PKD1L1: variants seen among roughly 807,000 people sequenced by gnomAD.
PKD1L1 encodes polycystin 1 like 1, transient receptor potential channel interacting.
Under a neutral mutation model 323.4 loss-of-function variants are expected in PKD1L1, and 236 were observed. The ratio of observed to expected loss-of-function variants is 0.73; its 90% CI spans 0.66 to 0.81. The LOEUF (loss-of-function observed/expected upper bound fraction) is 0.81. Among genes scored for constraint, PKD1L1 ranks in the 40% least tolerant of loss-of-function variants. The pLI is 0.00. For missense variants in PKD1L1, 3,320 were observed against 3,508.0 expected (o/e 0.95, Z 1.35); for synonymous variants, 1,344 against 1,335.0 (o/e 1.01, Z -0.15).
intron 14 of PKD1L1, among the ~76,000 whole-genome samples, 190 bp from the exon 15 acceptor site, chr7:47,894,249 C>T (rs990037322): frequency 1.7e-4 from 26 of 152,176 alleles, no homozygotes; most frequent in Non-Finnish European, 3.4e-4. Flanking sequence ...CTGGAGTCCA[C>T]GAGACCATGG....
chr7:47,884,141 T>A (rs554775911), intron 19 of PKD1L1, among the ~76,000 whole-genome samples: 15 of 148,302 alleles, frequency 1.0e-4, no homozygotes, highest in African/African-American at 3.5e-4. Context: ...AGGGAATAAA[T>A]ACTGAGCTGG....
chr7:47,803,481 A>C, intron 52 of PKD1L1, 137 bp from the exon 53 acceptor site: 1 of 980,170 alleles, frequency 1.0e-6, no homozygotes. Context: ...TCCGAGGGAC[A>C]TCAAGTGCAG....
chr7:47,811,989 C>T lies in PKD1L1; in HGVS notation c.7409G>A (p.Arg2470Lys). ...GAGAGTGAAGTGCACAGACACAGCC[C>T]TGGTGCTGCGGTCAATCCACATGCT... is the stretch of plus-strand genomic sequence containing the variant. ...RASMWIDRST[R>K]AVSVHFTLYN... The change falls in exon 50 of 57, where the codon AGG (arginine) becomes AAG (lysine). Residue 2470 changes from arginine to lysine, a missense_variant. Transcript: ENST00000289672. The T allele has an allele frequency of 1.3e-6, 2 of 1,592,626 alleles. No homozygotes were observed. Among genetic ancestry groups the T allele is most frequent in the Non-Finnish European group, 8.5e-7 (1 of 1,169,600 alleles).
chr7:47,864,422 G>C (rs980287974), intron 26 of PKD1L1, among the ~76,000 whole-genome samples: 1 of 151,954 alleles, frequency 6.6e-6, no homozygotes, highest in Non-Finnish European at 1.5e-5. Context: ...AAGAAAAGAA[G>C]GTGTGACGAA....
At position 47,936,826 on chromosome 7, in the gene PKD1L1, G is replaced by A. The variant is rs752111538; in HGVS notation, c.398+20C>T. ...TGCATGTTCAGAAAAGCAATATTTCGCCATGGTACATTGACATACCTATCA... is the reference window on the plus strand; with the variant it reads ...TGCATGTTCAGAAAAGCAATATTTCACCATGGTACATTGACATACCTATCA... On this transcript the variant is annotated intron_variant, in intron 4 of 56. Transcript: ENST00000289672. The A allele has an allele frequency of 1.9e-5, 29 of 1,529,938 alleles. No homozygotes were observed. The highest frequency in any genetic ancestry group is 1.1e-4 in the South Asian group (9 of 85,084). 94.8% of individuals were successfully genotyped at this position (1,529,938 alleles called of 1,614,324 possible). A position where few individuals can be genotyped will look rare whatever the true frequency, so the allele number is the denominator to read the frequency against.
chr7:47,932,062 T>G lies in PKD1L1; in HGVS notation c.399-6A>C, dbSNP rs201106567. The G allele has an allele frequency of 8.1e-6, 13 of 1,602,300 alleles. No individual in the cohort carries two copies. The highest frequency in any genetic ancestry group is 1.7e-5 in the Admixed American group (1 of 58,090). Reference sequence around the variant, plus strand: ...TGAAAGGTTTGTGGGGAATTCTGTATGGGAAGGAAAGTGCAGAAAGAAAAG... The same window carrying G: ...TGAAAGGTTTGTGGGGAATTCTGTAGGGGAAGGAAAGTGCAGAAAGAAAAG... On this transcript the variant is annotated splice_region_variant and splice_polypyrimidine_tract_variant and intron_variant, in intron 4 of 56. Transcript: ENST00000289672.
intron 17 of PKD1L1, 65 bp from the exon 18 acceptor site, chr7:47,886,119 T>C: frequency 6.5e-7 from 1 of 1,532,224 alleles, no homozygotes; most frequent in Non-Finnish European, 8.8e-7. Flanking sequence ...GCTTAAAAAG[T>C]CTACAGACTA....
intron 52 of PKD1L1, among the ~76,000 whole-genome samples, chr7:47,803,596 A>AGGAT (rs1388263055): frequency 6.6e-6 from 1 of 152,176 alleles, no homozygotes; most frequent in Admixed American, 6.5e-5. Context: ...TTTGAACACC[A>AGGAT]GGATGGAGCA....
chr7:47,819,599 G>T, intron 46 of PKD1L1: 1 of 1,358,326 alleles, frequency 7.4e-7, no homozygotes, highest in Non-Finnish European at 9.8e-7. Flanking sequence ...CACAAATGAG[G>T]AGGCAGAAAA....
intron 23 of PKD1L1, among the ~76,000 whole-genome samples, chr7:47,874,636 G>C (rs752781896): frequency 1.8e-4 from 27 of 152,240 alleles, no homozygotes; most frequent in Non-Finnish European, 3.2e-4. Context: ...TGAGTCAGTG[G>C]ATACTAGGTG....
At chr7:47,831,582 C>T (rs1785350386) in intron 41 of PKD1L1, among the ~76,000 whole-genome samples, 2 of 152,188 alleles carry the variant, frequency 1.3e-5, no homozygotes, top group South Asian at 2.1e-4. Flanking sequence ...CCACAGGCCT[C>T]CTCCAATCCC....
At chr7:47,837,154 A>G (rs1785477506) in intron 36 of PKD1L1, 60 bp from the exon 37 acceptor site, 1 of 1,567,246 alleles carries the variant, frequency 6.4e-7, no homozygotes, top group Admixed American at 1.7e-5. Flanking sequence ...AGCAAAGCAA[A>G]GTACTGTTAA....
chr7:47,871,069 A>G (rs73105153), intron 24 of PKD1L1, among the ~76,000 whole-genome samples: 29,410 of 151,608 alleles, frequency 0.19, 3,086 homozygotes, highest in Middle Eastern at 0.24. Flanking sequence ...AACACAGGAA[A>G]AGAAAGAAAA....
intron 12 of PKD1L1, 48 bp from the exon 13 acceptor site, chr7:47,902,559 G>A (rs761454261): frequency 8.2e-6 from 13 of 1,593,512 alleles, no homozygotes; most frequent in African/African-American, 8.1e-5. Flanking sequence ...GTTGATGAAC[G>A]TCAGGCTTTC....
In PKD1L1 at chr7:47,795,858, T is replaced by C. The variant is rs1032215890; in HGVS notation, c.8355+131A>G. 1.0e-5 allele frequency: 11 copies of C among 1,084,060 alleles called. No individual in the cohort carries two copies. In the African/African-American group the frequency reaches 1.3e-4, roughly 13 times the overall value. 67.2% of individuals were successfully genotyped at this position (1,084,060 alleles called of 1,614,324 possible). A position where few individuals can be genotyped will look rare whatever the true frequency, so the allele number is the denominator to read the frequency against. ...AGTTCCACTATGATTGAGACTAATT[T>C]TGTGGCTTTGCAAGGAGATTTGGCA... On this transcript the variant is annotated intron_variant, in intron 55 of 56. Coordinates refer to ENST00000289672, the MANE Select transcript of PKD1L1 (RefSeq NM_138295.5).
chr7:47,896,329 C>CA (rs34061319), intron 14 of PKD1L1, among the ~76,000 whole-genome samples: 2,453 of 44,886 alleles, frequency 0.055, 117 homozygotes, highest in African/African-American at 0.08. Context: ...GACCCTGTCT[C>CA]AAAAAAAAAA....
At chr7:47,874,055 T>C (rs745557309) in intron 23 of PKD1L1, 45 bp from the exon 24 acceptor site, 19 of 1,224,268 alleles carry the variant, frequency 1.6e-5, no homozygotes, top group Non-Finnish European at 4.8e-6. Flanking sequence ...GACATGTGGG[T>C]TACAGAGATG....
chr7:47,916,420 T>G (rs1470722762), intron 7 of PKD1L1, among the ~76,000 whole-genome samples: 1 of 152,140 alleles, frequency 6.6e-6, no homozygotes, highest in African/African-American at 2.4e-5. Flanking sequence ...GGGATCACAG[T>G]GAATGGGAGG....
chr7:47,886,036 A>G lies in PKD1L1; in HGVS notation c.2855T>C (p.Val952Ala), dbSNP rs768612939. The stretch of plus-strand genomic sequence containing the variant: ...GAGTCCCAGCGAGCCAAGCAGCCCC[A>G]CTACTCTGCAGAAGGGAACTTAAGC... ...NRIEVPFCRV[V>A]GLLGSLGLGA... The change falls in exon 18 of 57, where the codon GTG (valine) becomes GCG (alanine). Residue 952 changes from valine to alanine, a missense_variant. Physicochemically the swap from Val to Ala is moderately conservative, Grantham distance 64 (BLOSUM62 0). Transcript: ENST00000289672. The G allele has an allele frequency of 3.1e-6, 5 of 1,613,212 alleles. No homozygotes were observed. The highest frequency in any genetic ancestry group is 1.6e-4 in the Middle Eastern group (1 of 6,076).
Sources: allele counts gnomAD v4.1 joint callset (sites outside exome capture counted in the v4.1 genomes callset), GRCh38; gene constraint gnomAD v4.1.1; transcripts MANE v1.5; gene names NCBI Gene and HGNC (gene_info 2026-07-23, HGNC 2026-07-21).